ALG12: variants seen among roughly 807,000 people sequenced by gnomAD.
The protein encoded by ALG12 is dol-P-Man:Man(7)GlcNAc(2)-PP-Dol alpha-1,6-mannosyltransferase.
ALG12 carries 36 observed loss-of-function variants against 46.0 expected under a neutral mutation model. The ratio of observed to expected loss-of-function variants is 0.78; its 90% CI spans 0.60 to 1.03. The LOEUF is 1.03. Ranked by LOEUF, ALG12 falls within the 50% of genes least tolerant of loss-of-function variation. The pLI is 0.00. For missense variants in ALG12, 599 were observed against 633.5 expected (o/e 0.95, Z 0.58); for synonymous variants, 326 against 291.6 (o/e 1.12, Z -1.20).
At chr22:49,871,152 G>A in the ALG12 span, among the ~76,000 whole-genome samples, 1 of 4,326 alleles carries the variant, frequency 2.3e-4, no homozygotes, top group Non-Finnish European at 4.0e-4. Flanking sequence ...TGTTGGCCAG[G>A]CTGGTCTCAA....
In ALG12 at chr22:49,905,690, G is replaced by A. The variant is rs896279541; in HGVS notation, c.993-1184C>T. On this transcript the variant is annotated intron_variant, in intron 7 of 9. Coordinates refer to ENST00000330817, the MANE Select transcript of ALG12 (RefSeq NM_024105.4). The surrounding 1 kb of genome is among the most constrained non-coding windows in gnomAD (Gnocchi z 4.9). ...GAAGCTGAGCAGACACCAGTACCACGCTTCCCGTACAGCCTGCGGAACCGC... is the reference window on the plus strand; with the variant it reads ...GAAGCTGAGCAGACACCAGTACCACACTTCCCGTACAGCCTGCGGAACCGC... 8.5e-5 allele frequency among the ~76,000 whole-genome samples: 13 copies of A among 152,332 alleles called. No homozygotes were observed. Among genetic ancestry groups the A allele is most frequent in the Admixed American group, 4.6e-4 (7 of 15,300 alleles).
chr22:49,885,714 G>C, the ALG12 span: 2 of 1,607,604 alleles, frequency 1.2e-6, no homozygotes, highest in Non-Finnish European at 1.7e-6. Flanking sequence ...TTAACAGGCT[G>C]CTTGAATACT....
At chr22:49,886,880 A>C in the ALG12 span, 1 of 1,614,130 alleles carries the variant, frequency 6.2e-7, no homozygotes, top group Non-Finnish European at 8.5e-7. This position sits in a 1 kb window ranked among gnomAD's most constrained non-coding sequence, Gnocchi z 7.7. Flanking sequence ...AAGGTGAAGA[A>C]GAAAGACCCA....
chr22:49,874,609 G>A, the ALG12 span, among the ~76,000 whole-genome samples: 9 of 146,670 alleles, frequency 6.1e-5, no homozygotes, highest in South Asian at 2.2e-4. Context: ...TCCTGACCTC[G>A]TGATCCAGCT....
At chr22:49,861,965 C>A in the ALG12 span, among the ~76,000 whole-genome samples, 1 of 152,120 alleles carries the variant, frequency 6.6e-6, no homozygotes, top group South Asian at 2.1e-4. Flanking sequence ...CAGGCCTGCA[C>A]CCTGTCAGCA....
the ALG12 span, among the ~76,000 whole-genome samples, chr22:49,864,182 T>C: frequency 6.6e-6 from 1 of 152,354 alleles, no homozygotes; most frequent in South Asian, 2.1e-4. Context: ...CGGCAGGGCG[T>C]TCACATGGGT....
In ALG12 at chr22:49,900,342, ATC is replaced by A. The variant is rs1291521481; in HGVS notation, c.*3494_*3495del. 2 of 152,228 alleles carry A rather than the reference ATC, an allele frequency of 1.3e-5. No homozygotes were observed. The highest frequency in any genetic ancestry group is 2.9e-5 in the Non-Finnish European group (2 of 68,060). The allele number at this position is 152,228 out of a possible 1,614,324, so 9.4% of individuals were successfully genotyped here. A position where few individuals can be genotyped will look rare whatever the true frequency, so the allele number is the denominator to read the frequency against. On this transcript the variant is annotated 3_prime_UTR_variant, in exon 10 of 10. Coordinates refer to ENST00000330817, the MANE Select transcript of ALG12 (RefSeq NM_024105.4). ...GGTACAGGAGGGAGTGGCTCCCTGC[ATC>A]TGTCTTCAGGGGCAGTTTTGACATC...
rs1569171787 is a variant in ALG12 at position 49,902,277 on chromosome 22, A to AGT, written c.*1560_*1561insAC. Reference sequence around the variant, plus strand: ...GTATGCATGGTGTGTGCATGTGTGCACTGTATGCATAGTGTGCACGTGTGC... The same window carrying AGT: ...GTATGCATGGTGTGTGCATGTGTGCAGTCTGTATGCATAGTGTGCACGTGTGC... On this transcript the variant is annotated 3_prime_UTR_variant, in exon 10 of 10. Coordinates refer to ENST00000330817, the MANE Select transcript of ALG12 (RefSeq NM_024105.4). 5.4e-5 allele frequency: 5 copies of AGT among 92,770 alleles called. No homozygotes were observed. The highest frequency in any genetic ancestry group is 4.2e-4 in the African/African-American group (5 of 11,832). The allele number at this position is 92,770 out of a possible 1,614,324, so 5.7% of individuals were successfully genotyped here. A position where few individuals can be genotyped will look rare whatever the true frequency, so the allele number is the denominator to read the frequency against.
At position 49,908,056 on chromosome 22, in the gene ALG12, C is replaced by T. The variant is rs571935098; in HGVS notation, c.769-112G>A. The T allele has an allele frequency of 3.4e-5, 37 of 1,091,566 alleles. No individual in the cohort carries two copies. In the East Asian group the frequency reaches 9.2e-4, roughly 27 times the overall value. The allele number at this position is 1,091,566 out of a possible 1,614,324, so 67.6% of individuals were successfully genotyped here. A position where few individuals can be genotyped will look rare whatever the true frequency, so the allele number is the denominator to read the frequency against. On this transcript the variant is annotated intron_variant, in intron 6 of 9. Transcript: ENST00000330817. ...AAGACAGTTGTGCTGAGAGATGCAG[C>T]CTGGACCACGGCTCGTGTGCACAGA...
the ALG12 span, among the ~76,000 whole-genome samples, chr22:49,892,174 C>G: frequency 2.1e-5 from 2 of 95,582 alleles, no homozygotes; most frequent in African/African-American, 8.8e-5. Flanking sequence ...GGCGACAGAG[C>G]AAGACTCTGT....
At chr22:49,869,511 T>C in the ALG12 span, among the ~76,000 whole-genome samples, 3 of 152,238 alleles carry the variant, frequency 2.0e-5, no homozygotes, top group African/African-American at 7.2e-5. Flanking sequence ...TTCCTGTTTA[T>C]TCCTCAGGGA....
At chr22:49,886,259 C>T in the ALG12 span, 70 of 1,255,796 alleles carry the variant, frequency 5.6e-5, 1 homozygote, top group South Asian at 5.7e-4. This position sits in a 1 kb window ranked among gnomAD's most constrained non-coding sequence, Gnocchi z 7.7. Context: ...TCGCCCAAGG[C>T]GAAGGAGAAA....
At chr22:49,874,285 CAG>C in the ALG12 span, among the ~76,000 whole-genome samples, 13 of 152,252 alleles carry the variant, frequency 8.5e-5, no homozygotes, top group South Asian at 2.1e-4. Context: ...CTGGTTTGTG[CAG>C]AGTTTTTGCT....
chr22:49,873,734 C>G, the ALG12 span, among the ~76,000 whole-genome samples: 1 of 152,146 alleles, frequency 6.6e-6, no homozygotes, highest in Non-Finnish European at 1.5e-5. Context: ...TCACCCCCAC[C>G]CTGCAGCCCC....
chr22:49,887,102 C>A, the ALG12 span: 1 of 1,614,068 alleles, frequency 6.2e-7, no homozygotes, highest in Non-Finnish European at 8.5e-7. Context: ...CTTGGCCAAT[C>A]CAGGCTCATG....
Position 49,900,307 on chromosome 22 carries a change from G to T in ALG12, c.*3531C>A, listed in dbSNP as rs566499115. 117 of 152,334 alleles carry T rather than the reference G, an allele frequency of 7.7e-4. 1 individual carries two copies. Among genetic ancestry groups the T allele is most frequent in the African/African-American group, 2.7e-3 (113 of 41,560 alleles). The allele number at this position is 152,334 out of a possible 1,614,324, so 9.4% of individuals were successfully genotyped here. A position where few individuals can be genotyped will look rare whatever the true frequency, so the allele number is the denominator to read the frequency against. The stretch of plus-strand genomic sequence containing the variant: ...AGACAATTATGCTCATTACCAAAAA[G>T]CGAGGAGGAGGTACAGGAGGGAGTG... On this transcript the variant is annotated 3_prime_UTR_variant, in exon 10 of 10. Transcript: ENST00000330817.
At position 49,902,021 on chromosome 22, in the gene ALG12, A is replaced by C. The variant is rs891233954; in HGVS notation, c.*1817T>G. On this transcript the variant is annotated 3_prime_UTR_variant, in exon 10 of 10. Transcript: ENST00000330817. ...GCACTGTGTATGCATGGTAATGTGCACGCGTGCACTGTGTGTATGCATGGT... is the reference window on the plus strand; with the variant it reads ...GCACTGTGTATGCATGGTAATGTGCCCGCGTGCACTGTGTGTATGCATGGT... 1 of 133,758 alleles carries C rather than the reference A, an allele frequency of 7.5e-6. No individual in the cohort carries two copies. The highest frequency in any genetic ancestry group is 1.6e-5 in the Non-Finnish European group (1 of 64,008). 8.3% of individuals were successfully genotyped at this position (133,758 alleles called of 1,614,324 possible). A position where few individuals can be genotyped will look rare whatever the true frequency, so the allele number is the denominator to read the frequency against.
Position 49,902,900 on chromosome 22 carries a change from T to C in ALG12, c.*938A>G, listed in dbSNP as rs1293442725. 1 of 186,098 alleles carries C rather than the reference T, an allele frequency of 5.4e-6. No individual in the cohort carries two copies. Among genetic ancestry groups the C allele is most frequent in the Non-Finnish European group, 1.0e-5 (1 of 95,920 alleles). 11.5% of individuals were successfully genotyped at this position (186,098 alleles called of 1,614,324 possible). On this transcript the variant is annotated 3_prime_UTR_variant, in exon 10 of 10. Coordinates refer to ENST00000330817, the MANE Select transcript of ALG12 (RefSeq NM_024105.4). Reference sequence around the variant, plus strand: ...GTAATGTGCACGTGTGCACTGTGTGTGGTGTGTATGCATGGTGTGTGCACG... The same window carrying C: ...GTAATGTGCACGTGTGCACTGTGTGCGGTGTGTATGCATGGTGTGTGCACG...
the ALG12 span, among the ~76,000 whole-genome samples, chr22:49,860,215 C>G: frequency 1.3e-5 from 2 of 152,272 alleles, no homozygotes; most frequent in Admixed American, 1.3e-4. Context: ...GGGAGGATCA[C>G]TTGAGCCTGG....
Sources: gnomAD v4.1 joint callset for allele counts (sites outside exome capture counted in the v4.1 genomes callset) on GRCh38, gnomAD v4.1.1 for gene constraint, Gnocchi (gnomAD v3.1) non-coding constraint, MANE v1.5 for transcripts, NCBI Gene and HGNC (gene_info 2026-07-23, HGNC 2026-07-21) for gene names.